The following CCNYL1 variants were observed in gnomAD, a reference collection of about 807,000 sequenced individuals.
CCNYL1 encodes cyclin-Y-like protein 1.
A neutral mutation model predicts 44.2 loss-of-function variants in CCNYL1; 16 were observed. That is an observed-to-expected ratio of 0.36 (90% confidence interval 0.25 to 0.55). The LOEUF (loss-of-function observed/expected upper bound fraction) is 0.55, where lower values mean the gene tolerates loss of function less well. Among genes scored for constraint, CCNYL1 ranks in the 20% least tolerant of loss-of-function variants. The probability of loss-of-function intolerance (pLI) is 0.85; values close to 1 mark genes in which losing one functional copy is unlikely to be tolerated. For missense variants in CCNYL1, 348 were observed against 451.8 expected, an observed-to-expected ratio of 0.77 and a Z score of 2.08; for synonymous variants, 159 against 163.2, an observed-to-expected ratio of 0.97 and a Z score of 0.20.
rs2105845465 is a variant in CCNYL1 at position 207,754,870 on chromosome 2, TA to T, written c.*1176del. 6.6e-6 allele frequency: 1 copy of T among 152,440 alleles called. No individual in the cohort carries two copies. The highest frequency in any genetic ancestry group is 2.0e-4 in the East Asian group (1 of 5,110). 9.4% of individuals were successfully genotyped at this position (152,440 alleles called of 1,614,324 possible). On this transcript the variant is annotated 3_prime_UTR_variant, in exon 10 of 10. Transcript: ENST00000295414. ...GCAGACATTGACTGAAACAAAAAAT[TA>T]AAAGCTTTATATTCAAAATTTGCAA...
intron 3 of CCNYL1, among the ~76,000 whole-genome samples, chr2:207,728,067 G>A (rs1261052736): frequency 2.6e-5 from 4 of 151,492 alleles, no homozygotes; most frequent in Admixed American, 6.6e-5. Context: ...GGGTTCAAGC[G>A]ATTCTCCTGT....
chr2:207,742,151 CAAA>C (rs201207374), intron 6 of CCNYL1, 69 bp from the exon 7 acceptor site: 18,651 of 1,087,552 alleles, frequency 0.017, 1 homozygote, highest in East Asian at 0.07. Flanking sequence ...AACTCAGTCT[CAAA>C]AAAAAAAAAA....
chr2:207,733,816 A>G (rs2105829792), intron 3 of CCNYL1, 131 bp from the exon 4 acceptor site: 1 of 619,970 alleles, frequency 1.6e-6, no homozygotes. Context: ...ACATGATACT[A>G]CACTCAGGCA....
At chr2:207,719,302 C>CTTTTT (rs11412847) in intron 1 of CCNYL1, among the ~76,000 whole-genome samples, 1 of 133,064 alleles carries the variant, frequency 7.5e-6, no homozygotes, top group Non-Finnish European at 1.6e-5. Context: ...ATAGCAATTG[C>CTTTTT]TTTTTTTTTT....
intron 5 of CCNYL1, among the ~76,000 whole-genome samples, chr2:207,737,654 T>C (rs1207912536): frequency 6.6e-6 from 1 of 151,934 alleles, no homozygotes; most frequent in Admixed American, 6.6e-5. Context: ...ATGTTGGTTA[T>C]ATTGATATTT....
chr2:207,724,751 T>C (rs1299329591), intron 1 of CCNYL1, 49 bp from the exon 2 acceptor site: 4 of 1,333,414 alleles, frequency 3.0e-6, no homozygotes, highest in African/African-American at 2.9e-5. Context: ...TCAGAAATCA[T>C]CTTTTCTACT....
rs2091923689 is a variant in CCNYL1 at position 207,755,234 on chromosome 2, G to A, written c.*1536G>A. The A allele has an allele frequency of 6.6e-6, 1 of 152,118 alleles. No homozygotes were observed. The highest frequency in any genetic ancestry group is 2.1e-4 in the South Asian group (1 of 4,818). 9.4% of individuals were successfully genotyped at this position (152,118 alleles called of 1,614,324 possible). On this transcript the variant is annotated 3_prime_UTR_variant, in exon 10 of 10. Transcript: ENST00000295414. ...CCTGTAAAAAAAAATAATAAAAATA[G>A]TTGGATATGGTGGCATGTGTCTGTA...
chr2:207,733,896 T>C (rs1467066983), intron 3 of CCNYL1, 51 bp from the exon 4 acceptor site: 3 of 1,190,916 alleles, frequency 2.5e-6, no homozygotes, highest in East Asian at 2.3e-5. Context: ...AACCACACTT[T>C]TATAGGTTTA....
At chr2:207,734,084 A>AC in intron 4 of CCNYL1, 37 bp downstream of exon 4, 1 of 1,323,644 alleles carries the variant, frequency 7.6e-7, no homozygotes, top group Non-Finnish European at 1.1e-6. Context: ...TGAGTGACAG[A>AC]CCCCCTTATG....
chr2:207,712,046 T>C lies in CCNYL1; in HGVS notation c.150T>C (p.Pro50=), dbSNP rs770190989. 2 of 1,547,824 alleles carry C rather than the reference T, an allele frequency of 1.3e-6. No homozygotes were observed. The highest frequency in any genetic ancestry group is 2.4e-5 in the South Asian group (2 of 83,652). The change falls in exon 1 of 10, where the codon CCT becomes CCC. Residue 50 remains proline, a synonymous_variant. Transcript: ENST00000295414. ...AVAVAPAVVE[P]AELDFGEGEG... Reference sequence around the variant, plus strand: ...CGGTAGCGCCCGCTGTGGTGGAGCCTGCCGAGTTGGATTTCGGAGAGGGCG... The same window carrying C: ...CGGTAGCGCCCGCTGTGGTGGAGCCCGCCGAGTTGGATTTCGGAGAGGGCG...
intron 9 of CCNYL1, 72 bp downstream of exon 9, chr2:207,751,191 TA>T (rs2091887876): frequency 7.5e-7 from 1 of 1,329,650 alleles, no homozygotes. Context: ...TAAATCATAT[TA>T]AGTAGTGATT....
Position 207,735,863 on chromosome 2 carries a change from CAAAA to C in CCNYL1, c.432-1541_432-1538del, listed in dbSNP as rs1194666037. Among the ~76,000 whole-genome samples the C allele has an allele frequency of 7.2e-5, 10 of 138,618 alleles. No individual in the cohort carries two copies. In the South Asian group the frequency reaches 9.3e-4, roughly 13 times the overall value. 90.9% of individuals were successfully genotyped at this position (138,618 alleles called of 152,430 possible). ...TGGGCGACAGAGCAAGACTCTGTCTCAAAAAAAAAACAAAACAAAACACACAAAA... is the reference window on the plus strand; with the variant it reads ...TGGGCGACAGAGCAAGACTCTGTCTCAAAAAACAAAACAAAACACACAAAA... On this transcript the variant is annotated intron_variant, in intron 4 of 9. Coordinates refer to ENST00000295414, the MANE Select transcript of CCNYL1 (RefSeq NM_001330218.2).
At chr2:207,734,118 G>A (rs7573046) in intron 4 of CCNYL1, 71 bp downstream of exon 4, 1 of 893,274 alleles carries the variant, frequency 1.1e-6, no homozygotes, top group Non-Finnish European at 1.8e-6. Context: ...AGCCATCCTC[G>A]GTAATTTCAG....
Position 207,711,790 on chromosome 2 carries a change from G to T in CCNYL1, c.-107G>T. 1 of 719,618 alleles carries T rather than the reference G, an allele frequency of 1.4e-6. No individual in the cohort carries two copies. Among genetic ancestry groups the T allele is most frequent in the Non-Finnish European group, 2.0e-6 (1 of 498,354 alleles). The allele number at this position is 719,618 out of a possible 1,614,324, so 44.6% of individuals were successfully genotyped here. ...GCGCGGTGCAGCCCCAGCGTAGCCC[G>T]GGGCTGCCGGTGCCGGCCGCGCCAT... On this transcript the variant is annotated 5_prime_UTR_variant, in exon 1 of 10. Transcript: ENST00000295414.
At chr2:207,736,870 A>G (rs2091768727) in intron 4 of CCNYL1, among the ~76,000 whole-genome samples, 1 of 152,058 alleles carries the variant, frequency 6.6e-6, no homozygotes, top group Non-Finnish European at 1.5e-5. Flanking sequence ...AATTATTTAT[A>G]TATTATAATA....
At chr2:207,722,918 C>T (rs1474995774) in intron 1 of CCNYL1, among the ~76,000 whole-genome samples, 2 of 151,238 alleles carry the variant, frequency 1.3e-5, no homozygotes, top group African/African-American at 2.4e-5. Flanking sequence ...AAGATTGCAC[C>T]ACAGCACTCC....
intron 5 of CCNYL1, among the ~76,000 whole-genome samples, chr2:207,737,898 C>A (rs1273140392): frequency 6.6e-6 from 1 of 152,060 alleles, no homozygotes; most frequent in Non-Finnish European, 1.5e-5. Flanking sequence ...AAATAACTCT[C>A]TTCTACAACA....
At chr2:207,737,736 G>A (rs1374454627) in intron 5 of CCNYL1, among the ~76,000 whole-genome samples, 1 of 151,952 alleles carries the variant, frequency 6.6e-6, no homozygotes, top group Admixed American at 6.6e-5. Context: ...CTCAACGTTG[G>A]CACTGTTGAT....
intron 7 of CCNYL1, 72 bp from the exon 8 acceptor site, chr2:207,746,975 C>CAA (rs74269714): frequency 1.8e-3 from 1,777 of 991,108 alleles, no homozygotes; most frequent in Admixed American, 4.0e-3. Flanking sequence ...AACTCCGTCT[C>CAA]AAAAAAAAAA....
Sources: allele counts gnomAD v4.1 joint callset (sites outside exome capture counted in the v4.1 genomes callset), GRCh38; gene constraint gnomAD v4.1.1; transcripts MANE v1.5; gene names NCBI Gene and HGNC (gene_info 2026-07-23, HGNC 2026-07-21).